The following CDC42BPA variants were observed in gnomAD, a reference collection of about 807,000 sequenced individuals.
CDC42BPA encodes the protein CDC42 binding protein kinase alpha.
Under a neutral mutation model 223.5 loss-of-function variants are expected in CDC42BPA, and 80 were observed. That is an observed-to-expected ratio of 0.36 (90% CI 0.30 to 0.43). The LOEUF (loss-of-function observed/expected upper bound fraction) is 0.43. Ranked by LOEUF, CDC42BPA falls within the 20% of genes least tolerant of loss-of-function variation. The pLI, the probability that CDC42BPA is intolerant of heterozygous loss-of-function variation, is 1.00. For synonymous variants in CDC42BPA, 694 were observed against 718.6 expected, an observed-to-expected ratio of 0.97 and a Z score of 0.55; for missense variants, 1,743 against 2,099.9, an observed-to-expected ratio of 0.83 and a Z score of 3.32.
intron 1 of CDC42BPA, among the ~76,000 whole-genome samples, chr1:227,259,870 G>A (rs1202735974): frequency 1.3e-5 from 2 of 150,730 alleles, no homozygotes; most frequent in Non-Finnish European, 2.9e-5. Context: ...TTGTCTTAAT[G>A]TACTCTAGTT....
intron 2 of CDC42BPA, among the ~76,000 whole-genome samples, chr1:227,238,235 T>C: frequency 6.6e-6 from 1 of 151,194 alleles, no homozygotes; most frequent in African/African-American, 2.4e-5. Flanking sequence ...GGGGCACACC[T>C]GTAGTCCCAG....
At chr1:227,238,273 G>T (rs1476004172) in intron 2 of CDC42BPA, among the ~76,000 whole-genome samples, 1 of 151,258 alleles carries the variant, frequency 6.6e-6, no homozygotes, top group African/African-American at 2.4e-5. Context: ...TGGGAAGATA[G>T]CTTGAGCCCA....
At chr1:227,291,986 A>G (rs1438424261) in intron 1 of CDC42BPA, among the ~76,000 whole-genome samples, 1 of 145,976 alleles carries the variant, frequency 6.9e-6, no homozygotes, top group Non-Finnish European at 1.5e-5. Flanking sequence ...TATAACAGAT[A>G]ATTTTTTTTT....
chr1:227,300,551 T>C (rs1691443204), intron 1 of CDC42BPA, among the ~76,000 whole-genome samples: 1 of 152,204 alleles, frequency 6.6e-6, no homozygotes, highest in Non-Finnish European at 1.5e-5. Flanking sequence ...AGGCCATTAT[T>C]CTAAGTGAAG....
intron 5 of CDC42BPA, among the ~76,000 whole-genome samples, chr1:227,165,692 T>C (rs913051418): frequency 6.6e-6 from 1 of 152,098 alleles, no homozygotes; most frequent in Non-Finnish European, 1.5e-5. Context: ...AATCCTCCAC[T>C]AGCATAGAAG....
chr1:227,083,366 T>C (rs187279681), intron 16 of CDC42BPA, among the ~76,000 whole-genome samples: 1 of 152,320 alleles, frequency 6.6e-6, no homozygotes, highest in East Asian at 1.9e-4. Flanking sequence ...AGTTATTTAA[T>C]TTTTTGCTCC....
At chr1:227,248,444 A>G (rs759391590) in intron 2 of CDC42BPA, among the ~76,000 whole-genome samples, 16 of 152,072 alleles carry the variant, frequency 1.1e-4, no homozygotes, top group Non-Finnish European at 4.4e-5. Context: ...ACATACAAAA[A>G]TCAGTAGCAT....
chr1:227,076,730 C>T (rs1336161319), intron 17 of CDC42BPA, among the ~76,000 whole-genome samples: 1 of 152,146 alleles, frequency 6.6e-6, no homozygotes, highest in Non-Finnish European at 1.5e-5. Context: ...ACCCTCCCTA[C>T]TACACCTCAT....
chr1:227,128,209 C>T (rs765904762), intron 11 of CDC42BPA, among the ~76,000 whole-genome samples: 6 of 152,104 alleles, frequency 3.9e-5, no homozygotes, highest in Admixed American at 1.3e-4. Flanking sequence ...GTTTTTGCAC[C>T]GGCTAGTCCT....
At chr1:227,188,447 T>G (rs572839067) in intron 5 of CDC42BPA, among the ~76,000 whole-genome samples, 1 of 151,778 alleles carries the variant, frequency 6.6e-6, no homozygotes, top group South Asian at 2.1e-4. Context: ...AAATGCAGCT[T>G]CATTCACAAT....
intron 5 of CDC42BPA, among the ~76,000 whole-genome samples, chr1:227,174,160 C>T (rs533761819): frequency 4.7e-4 from 72 of 152,262 alleles, no homozygotes; most frequent in Non-Finnish European, 9.7e-4. Context: ...GATGGGCTTA[C>T]TGGAACATAG....
chr1:227,252,216 A>G (rs767645451), intron 2 of CDC42BPA, among the ~76,000 whole-genome samples: 1 of 152,118 alleles, frequency 6.6e-6, no homozygotes, highest in Non-Finnish European at 1.5e-5. Flanking sequence ...TCAAAAGGCC[A>G]AAAGTTAATT....
At chr1:227,021,819 A>C (rs1164939085) in intron 32 of CDC42BPA, among the ~76,000 whole-genome samples, 1 of 152,048 alleles carries the variant, frequency 6.6e-6, no homozygotes, top group African/African-American at 2.4e-5. Flanking sequence ...GGAGATGGAG[A>C]TCATCCTGGC....
chr1:227,109,845 T>C (rs1422601396), intron 14 of CDC42BPA, among the ~76,000 whole-genome samples: 2 of 151,818 alleles, frequency 1.3e-5, no homozygotes, highest in Non-Finnish European at 2.9e-5. Context: ...AACTCCGTTA[T>C]ACTCTTAAGG....
rs560275629 is a variant in CDC42BPA at position 227,059,592 on chromosome 1, T to C, written c.2905-7607A>G. Among the ~76,000 whole-genome samples, 7 of 152,342 alleles carry C rather than the reference T, an allele frequency of 4.6e-5. No homozygotes were observed. The East Asian group carries it at 1.2e-3, about 25-fold the overall frequency. On this transcript the variant is annotated intron_variant, in intron 21 of 36. Coordinates refer to ENST00000366766, the MANE Select transcript of CDC42BPA (RefSeq NM_001394014.1). ...GGAGGATAGGATGGTAAAGAAACAGTTGTTTGGACTACGTCTAAGGTTGAC... is the reference window on the plus strand; with the variant it reads ...GGAGGATAGGATGGTAAAGAAACAGCTGTTTGGACTACGTCTAAGGTTGAC...
intron 27 of CDC42BPA, among the ~76,000 whole-genome samples, chr1:227,032,511 G>A (rs775570766): frequency 2.0e-5 from 3 of 151,942 alleles, no homozygotes; most frequent in African/African-American, 7.3e-5. Flanking sequence ...CTCCAAAGAC[G>A]CCTACCAACA....
chr1:227,133,547 A>G (rs1164513903), intron 10 of CDC42BPA, among the ~76,000 whole-genome samples: 1 of 152,238 alleles, frequency 6.6e-6, no homozygotes, highest in Non-Finnish European at 1.5e-5. Context: ...GAAAAGATTG[A>G]GAAATCGGAT....
intron 11 of CDC42BPA, among the ~76,000 whole-genome samples, chr1:227,126,244 G>C (rs576887218): frequency 2.1e-4 from 32 of 152,248 alleles, no homozygotes; most frequent in South Asian, 1.2e-3. Context: ...GTGGCCTCCA[G>C]GGGTGCCACG....
At chr1:227,134,322 T>C (rs925993390) in intron 10 of CDC42BPA, among the ~76,000 whole-genome samples, 1 of 152,226 alleles carries the variant, frequency 6.6e-6, no homozygotes, top group Non-Finnish European at 1.5e-5. Flanking sequence ...TTTACCCAAG[T>C]AGCTGAAAAT....
Sources: gnomAD v4.1 joint callset for allele counts (sites outside exome capture counted in the v4.1 genomes callset) on GRCh38, gnomAD v4.1.1 for gene constraint, MANE v1.5 for transcripts, NCBI Gene and HGNC (gene_info 2026-07-23, HGNC 2026-07-21) for gene names.